The following ZNF654 variants were observed in gnomAD, a reference collection of about 807,000 sequenced individuals.
ZNF654 encodes zinc finger protein 654.
In ZNF654, 19 loss-of-function variants were observed where a neutral mutation model predicts 95.3. That is an observed-to-expected ratio of 0.20 (90% CI 0.14 to 0.29). The LOEUF is 0.29. ZNF654 is among the 10% of genes least tolerant of loss of function. ZNF654 has a pLI of 1.00. For missense variants in ZNF654, 1,046 were observed against 1,341.0 expected (o/e 0.78, Z 3.44); for synonymous variants, 413 against 457.9 (o/e 0.90, Z 1.25).
chr3:88,086,156 G>T (rs551314576), intron 1 of ZNF654, 101 bp from the exon 2 acceptor site: 19 of 1,074,622 alleles, frequency 1.8e-5, no homozygotes, highest in Middle Eastern at 3.1e-4. Flanking sequence ...TGTTCATGCC[G>T]ATCTAATATT....
chr3:88,090,874 T>G (rs1426988457), intron 2 of ZNF654, among the ~76,000 whole-genome samples: 2 of 152,130 alleles, frequency 1.3e-5, no homozygotes, highest in Non-Finnish European at 1.5e-5. Flanking sequence ...AAAAAAAAAT[T>G]GCAAAAAGAT....
chr3:88,112,647 C>T (rs887377474), intron 2 of ZNF654, among the ~76,000 whole-genome samples: 2 of 151,682 alleles, frequency 1.3e-5, no homozygotes, highest in East Asian at 1.9e-4. Context: ...AAATGTTGGC[C>T]GAGAGTTTTA....
rs201834920 is a variant in ZNF654, at chr3:88,095,639, A to G, written c.332+9237A>G. On this transcript the variant is annotated intron_variant, in intron 2 of 8. Coordinates refer to ENST00000636215, the MANE Select transcript of ZNF654 (RefSeq NM_001350134.2). ...GTTCTAGTCTTATCTCGAAGCCCCA[A>G]GCAATATCATCACTCTGTTCTCTTT... 38 of 506,548 alleles carry G rather than the reference A, an allele frequency of 7.5e-5. No homozygotes were observed. In the East Asian group the frequency reaches 1.7e-3, roughly 22 times the overall value. 31.4% of individuals were successfully genotyped at this position (506,548 alleles called of 1,614,324 possible). A position where few individuals can be genotyped will look rare whatever the true frequency, so the allele number is the denominator to read the frequency against.
chr3:88,126,346 T>C (rs1706095772), intron 4 of ZNF654, 77 bp downstream of exon 4: 4 of 1,278,596 alleles, frequency 3.1e-6, no homozygotes, highest in East Asian at 5.5e-5. Flanking sequence ...AGAGCAGTAA[T>C]AGTAATTTTT....
chr3:88,086,647 T>C (rs1274311156), intron 2 of ZNF654, among the ~76,000 whole-genome samples: 2 of 152,222 alleles, frequency 1.3e-5, no homozygotes, highest in African/African-American at 2.4e-5. Context: ...CACTTTACTT[T>C]CCTTTTTAAT....
chr3:88,103,023 T>C (rs1477188483), intron 2 of ZNF654, among the ~76,000 whole-genome samples: 8 of 152,090 alleles, frequency 5.3e-5, no homozygotes, highest in Non-Finnish European at 1.0e-4. Flanking sequence ...GTGCCATCTT[T>C]ATGTCCATGA....
At chr3:88,064,562 G>T (rs1226708161) in intron 1 of ZNF654, among the ~76,000 whole-genome samples, 1 of 152,090 alleles carries the variant, frequency 6.6e-6, no homozygotes, top group Non-Finnish European at 1.5e-5. Flanking sequence ...AAATTCCTGA[G>T]ATGTTCTGGG....
intron 2 of ZNF654, among the ~76,000 whole-genome samples, chr3:88,109,226 T>C (rs540932449): frequency 6.6e-6 from 1 of 151,618 alleles, no homozygotes; most frequent in South Asian, 2.1e-4. Context: ...AAGATGTTAC[T>C]GAAGAAAATA....
At chr3:88,121,789 C>T (rs1576322321) in intron 3 of ZNF654, among the ~76,000 whole-genome samples, 1 of 152,092 alleles carries the variant, frequency 6.6e-6, no homozygotes, top group South Asian at 2.1e-4. Flanking sequence ...AGACCTTTTA[C>T]ATTTTTGTCT....
intron 2 of ZNF654, among the ~76,000 whole-genome samples, chr3:88,110,986 T>C (rs994385538): frequency 9.2e-5 from 14 of 152,180 alleles, no homozygotes; most frequent in Middle Eastern, 3.4e-3. Flanking sequence ...GCATGCACAC[T>C]ACCATCTGTG....
chr3:88,100,594 A>C (rs1464898892), intron 2 of ZNF654, among the ~76,000 whole-genome samples: 5 of 152,230 alleles, frequency 3.3e-5, no homozygotes, highest in Non-Finnish European at 7.3e-5. Context: ...GATTAAGAAA[A>C]TGTGGCACAT....
intron 1 of ZNF654, among the ~76,000 whole-genome samples, chr3:88,065,303 G>A (rs1333992930): frequency 6.6e-6 from 1 of 151,942 alleles, no homozygotes; most frequent in African/African-American, 2.4e-5. Context: ...GCTCCTTAAT[G>A]CCTTTATAGG....
At chr3:88,070,358 T>C (rs533347861) in intron 1 of ZNF654, among the ~76,000 whole-genome samples, 1 of 152,132 alleles carries the variant, frequency 6.6e-6, no homozygotes, top group Admixed American at 6.5e-5. Flanking sequence ...TAAAAAATGA[T>C]CTTTTCAGTG....
At chr3:88,085,856 A>G (rs1299473234) in intron 1 of ZNF654, among the ~76,000 whole-genome samples, 1 of 152,190 alleles carries the variant, frequency 6.6e-6, no homozygotes, top group Non-Finnish European at 1.5e-5. Flanking sequence ...GAATGCTTAG[A>G]GTCTTATAAA....
At chr3:88,065,765 G>A (rs1392303281) in intron 1 of ZNF654, among the ~76,000 whole-genome samples, 1 of 151,704 alleles carries the variant, frequency 6.6e-6, no homozygotes, top group Non-Finnish European at 1.5e-5. Context: ...TGGCTGTGTC[G>A]CTCAGGCTGG....
At position 88,126,201 on chromosome 3, in the gene ZNF654, A is replaced by T; in HGVS notation, c.482A>T (p.Asp161Val). The change falls in exon 4 of 9, where the codon GAT becomes GTT. Residue 161 changes from aspartate to valine, a missense_variant. Asp to Val is a radical substitution (Grantham distance 152). Transcript: ENST00000636215. ...NLELVTRIIR[D>V]GGPWEDPVLQ... Reference sequence around the variant, plus strand: ...GAACTGGTGACTCGAATCATTAGAGATGGTGGCCCATGGGAAGATCCAGTG... The same window carrying T: ...GAACTGGTGACTCGAATCATTAGAGTTGGTGGCCCATGGGAAGATCCAGTG... 6.5e-7 allele frequency: 1 copy of T among 1,531,316 alleles called. No homozygotes were observed. 94.9% of individuals were successfully genotyped at this position (1,531,316 alleles called of 1,614,324 possible). A position where few individuals can be genotyped will look rare whatever the true frequency, so the allele number is the denominator to read the frequency against.
intron 2 of ZNF654, among the ~76,000 whole-genome samples, chr3:88,087,756 T>A (rs1708413494): frequency 6.6e-6 from 1 of 152,188 alleles, no homozygotes; most frequent in Non-Finnish European, 1.5e-5. Context: ...AAACATTTAT[T>A]TAGGGGAGAA....
At chr3:88,094,473 C>T (rs1177372058) in intron 2 of ZNF654, among the ~76,000 whole-genome samples, 3 of 151,998 alleles carry the variant, frequency 2.0e-5, no homozygotes, top group Admixed American at 6.6e-5. Context: ...ATACCCTGTT[C>T]CCACCTACAT....
intron 1 of ZNF654, among the ~76,000 whole-genome samples, chr3:88,062,297 C>G (rs1706929052): frequency 6.6e-6 from 1 of 152,124 alleles, no homozygotes; most frequent in Non-Finnish European, 1.5e-5. Context: ...GTCTTAGTTT[C>G]CATTATGTAG....
Sources: gnomAD v4.1 joint callset for allele counts (sites outside exome capture counted in the v4.1 genomes callset) on GRCh38, gnomAD v4.1.1 for gene constraint, MANE v1.5 for transcripts, NCBI Gene and HGNC (gene_info 2026-07-23, HGNC 2026-07-21) for gene names.